Variants in EIF4ENIF1 observed in about 807,000 individuals in gnomAD.
EIF4ENIF1 encodes eukaryotic translation initiation factor 4E transporter.
A neutral mutation model predicts 110.5 loss-of-function variants in EIF4ENIF1; 23 were observed. That is an observed-to-expected ratio of 0.21 (90% confidence interval 0.15 to 0.29). The LOEUF (loss-of-function observed/expected upper bound fraction) is 0.29, where lower values mean the gene tolerates loss of function less well. Ranked by LOEUF, EIF4ENIF1 falls within the 10% of genes least tolerant of loss-of-function variation. The pLI is 1.00. For missense variants in EIF4ENIF1, 1,031 were observed against 1,221.1 expected, an observed-to-expected ratio of 0.84 and a Z score of 2.32; for synonymous variants, 440 against 437.0, an observed-to-expected ratio of 1.01 and a Z score of -0.09.
At chr22:31,455,396 T>TTTC in intron 8 of EIF4ENIF1, 81 bp from the exon 9 acceptor site, 1 of 211,240 alleles carries the variant, frequency 4.7e-6, no homozygotes. Context: ...TCTTTCTTTC[T>TTTC]TTTTTTTTTT....
At chr22:31,463,155 G>A (rs1459340861) in intron 5 of EIF4ENIF1, 22 bp from the exon 6 acceptor site, 3 of 1,606,120 alleles carry the variant, frequency 1.9e-6, no homozygotes, top group Admixed American at 1.7e-5. Context: ...CATAAAGCAA[G>A]ATTAAAAAAT....
intron 2 of EIF4ENIF1, among the ~76,000 whole-genome samples, chr22:31,484,988 G>A (rs972119655): frequency 6.6e-6 from 1 of 152,180 alleles, no homozygotes; most frequent in Non-Finnish European, 1.5e-5. Flanking sequence ...TATTCCAGTT[G>A]TGGAACTAAC....
intron 2 of EIF4ENIF1, among the ~76,000 whole-genome samples, chr22:31,481,958 T>C (rs1333180566): frequency 6.6e-6 from 1 of 151,756 alleles, no homozygotes; most frequent in African/African-American, 2.4e-5. Flanking sequence ...TCGCTTGAGG[T>C]CAGGAGTTGG....
intron 2 of EIF4ENIF1, among the ~76,000 whole-genome samples, chr22:31,473,844 A>T (rs563176145): frequency 4.5e-4 from 68 of 152,282 alleles, no homozygotes; most frequent in African/African-American, 1.6e-3. Context: ...GAGACACTTT[A>T]AAATCACCCA....
chr22:31,448,129 G>C (rs577017020), intron 13 of EIF4ENIF1, 24 bp downstream of exon 13: 1 of 1,612,864 alleles, frequency 6.2e-7, no homozygotes, highest in Non-Finnish European at 8.5e-7. Context: ...GCAAGAGATT[G>C]AGTTTGAGAA....
At chr22:31,441,671 T>C in intron 17 of EIF4ENIF1, 103 bp downstream of exon 17, 1 of 1,046,382 alleles carries the variant, frequency 9.6e-7, no homozygotes, top group Non-Finnish European at 1.4e-6. Context: ...TAGTAACATC[T>C]TTCTAGGGAT....
rs536759262 is a variant in EIF4ENIF1, at chr22:31,474,357, G to A, written c.97-2440C>T. Among the ~76,000 whole-genome samples the A allele has an allele frequency of 2.7e-4, 41 of 152,170 alleles. No individual in the cohort carries two copies. In the South Asian group the frequency reaches 8.3e-3, roughly 31 times the overall value. On this transcript the variant is annotated intron_variant, in intron 2 of 18. Coordinates refer to ENST00000330125, the MANE Select transcript of EIF4ENIF1 (RefSeq NM_019843.4). ...ATTACAGGCGTGAGCCACCGTGCCCGGCTGACTCCTGGTTTTTCTGTTGGT... is the reference window on the plus strand; with the variant it reads ...ATTACAGGCGTGAGCCACCGTGCCCAGCTGACTCCTGGTTTTTCTGTTGGT...
chr22:31,462,484 CA>C (rs11418470), intron 6 of EIF4ENIF1, among the ~76,000 whole-genome samples: 85 of 137,194 alleles, frequency 6.2e-4, no homozygotes, highest in Non-Finnish European at 7.3e-4. Context: ...GACTCCGTCT[CA>C]AAAAAAAAAA....
At chr22:31,475,365 G>A (rs1454918729) in intron 2 of EIF4ENIF1, among the ~76,000 whole-genome samples, 1 of 152,178 alleles carries the variant, frequency 6.6e-6, no homozygotes, top group African/African-American at 2.4e-5. Context: ...AGAACTTTGG[G>A]AGGCTGAAGC....
At position 31,475,721 on chromosome 22, in the gene EIF4ENIF1, T is replaced by TAA. The variant is rs11089509; in HGVS notation, c.97-3806_97-3805dup. Reference sequence around the variant, plus strand: ...CTGGGTGACAGAGCGAGACTCCGTTTAAAAAAAAAAAAAAAAAAAATTCAC... The same window carrying TAA: ...CTGGGTGACAGAGCGAGACTCCGTTTAAAAAAAAAAAAAAAAAAAAAATTCAC... On this transcript the variant is annotated intron_variant, in intron 2 of 18. Coordinates refer to ENST00000330125, the MANE Select transcript of EIF4ENIF1 (RefSeq NM_019843.4). 1.2e-3 allele frequency among the ~76,000 whole-genome samples: 162 copies of TAA among 133,844 alleles called. 3 individuals carry two copies. The highest frequency in any genetic ancestry group is 7.7e-3 in the Middle Eastern group (2 of 260). 87.8% of individuals were successfully genotyped at this position (133,844 alleles called of 152,430 possible).
At position 31,444,656 on chromosome 22, in the gene EIF4ENIF1, G is replaced by C; in HGVS notation, c.2023C>G (p.His675Asp). The stretch of plus-strand genomic sequence containing the variant: ...GCAGGGGAAGAGGAATTCCCTCGAT[G>C]CACGGGTGCTGGTGACTTGGTCACT... Reference protein sequence around the residue: ...QRVTKSPAPVHRGNSSSPAPA... With the variant: ...QRVTKSPAPVDRGNSSSPAPA... The change falls in exon 15 of 19, where the codon CAT becomes GAT. Residue 675 changes from histidine to aspartate, a missense_variant. By Grantham distance (81) the His-to-Asp change is moderately conservative. Transcript: ENST00000330125. The C allele has an allele frequency of 1.2e-6, 2 of 1,614,118 alleles. No individual in the cohort carries two copies. The highest frequency in any genetic ancestry group is 2.2e-5 in the South Asian group (2 of 91,088).
chr22:31,482,745 C>T (rs1026583609), intron 2 of EIF4ENIF1, among the ~76,000 whole-genome samples: 1 of 151,554 alleles, frequency 6.6e-6, no homozygotes, highest in African/African-American at 2.4e-5. Context: ...GATGTGAGGC[C>T]AGGCGTGGTG....
rs768365525 is a variant in EIF4ENIF1 at position 31,447,483 on chromosome 22, T to A, written c.1931A>T (p.Tyr644Phe). The A allele has an allele frequency of 2.7e-5, 44 of 1,613,176 alleles. No homozygotes were observed. Among genetic ancestry groups the A allele is most frequent in the Non-Finnish European group, 3.6e-5 (43 of 1,179,786 alleles). Residue 644 changes from tyrosine to phenylalanine, a missense_variant, in exon 14 of 19, where the codon TAC (tyrosine) becomes TTC (phenylalanine). By Grantham distance (22) the Tyr-to-Phe change is conservative. Transcript: ENST00000330125. ...CTGTGGTTTGCCAAAACCAGGCTGG[T>A]AGAAGTTTGCTGCCTGTACAGCAAG... ...HDLAVQAANF[Y>F]QPGFGKPQVD...
chr22:31,485,532 GA>G (rs2051985459), intron 2 of EIF4ENIF1, among the ~76,000 whole-genome samples: 1 of 152,122 alleles, frequency 6.6e-6, no homozygotes, highest in Non-Finnish European at 1.5e-5. Context: ...GAACTTTAGT[GA>G]AAAAAATACT....
intron 17 of EIF4ENIF1, 109 bp downstream of exon 17, chr22:31,441,665 A>T: frequency 1.0e-6 from 1 of 982,978 alleles, no homozygotes; most frequent in Non-Finnish European, 1.5e-6. Context: ...AGAATCTAGT[A>T]ACATCTTTCT....
At chr22:31,452,484 C>T (rs890560045) in intron 10 of EIF4ENIF1, among the ~76,000 whole-genome samples, 2 of 152,124 alleles carry the variant, frequency 1.3e-5, no homozygotes, top group African/African-American at 4.8e-5. Context: ...AACCAACTGC[C>T]CTTACAACTC....
intron 17 of EIF4ENIF1, 85 bp from the exon 18 acceptor site, chr22:31,440,953 G>A (rs1192156770): frequency 3.2e-6 from 5 of 1,545,378 alleles, no homozygotes; most frequent in African/African-American, 1.4e-5. Flanking sequence ...TTGCTGATCT[G>A]GAAGTTTGTT....
In EIF4ENIF1 at chr22:31,467,802, C is replaced by A. The variant is rs199979957; in HGVS notation, c.298+373G>T. On this transcript the variant is annotated intron_variant, in intron 4 of 18. Transcript: ENST00000330125. The stretch of plus-strand genomic sequence containing the variant: ...AGCAAGACTCCGTCTCAAAAAAAAA[C>A]AGAACAAAAAAAAAAGAATTGCCAG... 1.1e-4 allele frequency among the ~76,000 whole-genome samples: 16 copies of A among 151,198 alleles called. No individual in the cohort carries two copies. In the East Asian group the frequency reaches 3.1e-3, roughly 29 times the overall value.
chr22:31,446,285 C>CA (rs3068275), intron 14 of EIF4ENIF1, among the ~76,000 whole-genome samples: 53 of 105,670 alleles, frequency 5.0e-4, no homozygotes, highest in Admixed American at 6.2e-4. Flanking sequence ...AGATTGTCTC[C>CA]AAAAAAAAAA....
Sources: gnomAD v4.1 joint callset for allele counts (sites outside exome capture counted in the v4.1 genomes callset) on GRCh38, gnomAD v4.1.1 for gene constraint, MANE v1.5 for transcripts, NCBI Gene and HGNC (gene_info 2026-07-23, HGNC 2026-07-21) for gene names.